The following EPHB1 variants were observed in gnomAD, a reference collection of about 807,000 sequenced individuals.
The protein encoded by EPHB1 is ephrin type-B receptor 1.
In EPHB1, 30 loss-of-function variants were observed where a neutral mutation model predicts 94.4. That is an observed-to-expected ratio of 0.32 (90% CI 0.24 to 0.43). EPHB1 has a LOEUF of 0.43. EPHB1 is among the 20% of genes least tolerant of loss of function. The pLI, the probability that EPHB1 is intolerant of heterozygous loss-of-function variation, is 1.00. For synonymous variants in EPHB1, 522 were observed against 489.1 expected, an observed-to-expected ratio of 1.07 and a Z score of -0.89; for missense variants, 1,055 against 1,308.3, an observed-to-expected ratio of 0.81 and a Z score of 2.99.
At chr3:135,238,014 A>G (rs1943695870) in intron 12 of EPHB1, among the ~76,000 whole-genome samples, 1 of 152,178 alleles carries the variant, frequency 6.6e-6, no homozygotes, top group South Asian at 2.1e-4. Flanking sequence ...TTCCTTTCAC[A>G]TAATTGAAGA....
intron 3 of EPHB1, among the ~76,000 whole-genome samples, chr3:134,960,324 T>G (rs1457563): frequency 0.5 from 75,091 of 151,450 alleles, 19,410 homozygotes; most frequent in African/African-American, 0.63. Flanking sequence ...TGCCAACAGG[T>G]CTTTGACAGG....
chr3:135,251,859 G>A (rs1481746561), intron 15 of EPHB1, among the ~76,000 whole-genome samples: 1 of 152,196 alleles, frequency 6.6e-6, no homozygotes, highest in African/African-American at 2.4e-5. Context: ...GGCTTTAGAG[G>A]AAATACAGTC....
chr3:134,893,209 A>G (rs73222689), intron 1 of EPHB1, among the ~76,000 whole-genome samples: 9,567 of 152,252 alleles, frequency 0.063, 337 homozygotes, highest in South Asian at 0.15. Context: ...TAATTAGCAA[A>G]TGTAAGCCTA....
intron 13 of EPHB1, among the ~76,000 whole-genome samples, chr3:135,246,354 C>T (rs529956536): frequency 5.3e-5 from 8 of 152,110 alleles, no homozygotes; most frequent in Non-Finnish European, 1.0e-4. Flanking sequence ...GAAAAGGGTG[C>T]GGGGTTTGTG....
chr3:134,968,421 A>G (rs577865965), intron 3 of EPHB1, among the ~76,000 whole-genome samples: 1 of 152,354 alleles, frequency 6.6e-6, no homozygotes. Context: ...GATCTGGTTC[A>G]TACGTATATA....
At chr3:134,998,881 T>C (rs991936991) in intron 3 of EPHB1, among the ~76,000 whole-genome samples, 2 of 152,028 alleles carry the variant, frequency 1.3e-5, no homozygotes, top group Non-Finnish European at 2.9e-5. Flanking sequence ...GAAAAAGGGA[T>C]CAAGGATAGG....
chr3:135,248,236 T>C, intron 13 of EPHB1, 80 bp from the exon 14 acceptor site: 1 of 1,341,974 alleles, frequency 7.5e-7, no homozygotes, highest in Non-Finnish European at 1.0e-6. Context: ...TCAGGGAGGC[T>C]CCATATAAAG....
intron 1 of EPHB1, among the ~76,000 whole-genome samples, chr3:134,823,310 A>C (rs2036416722): frequency 6.6e-6 from 1 of 152,226 alleles, no homozygotes; most frequent in Non-Finnish European, 1.5e-5. Context: ...TGAAGACAGA[A>C]GGACAGGAGA....
chr3:135,106,051 A>G (rs571860730), intron 3 of EPHB1, among the ~76,000 whole-genome samples: 1 of 152,310 alleles, frequency 6.6e-6, no homozygotes, highest in South Asian at 2.1e-4. Flanking sequence ...ATAGGATGAG[A>G]TGTCTTTAGT....
At chr3:135,044,508 C>T (rs1936940500) in intron 3 of EPHB1, among the ~76,000 whole-genome samples, 1 of 152,240 alleles carries the variant, frequency 6.6e-6, no homozygotes, top group Non-Finnish European at 1.5e-5. Flanking sequence ...TCAGCCAGAA[C>T]CAGTTCATAA....
intron 3 of EPHB1, among the ~76,000 whole-genome samples, chr3:135,024,248 C>A (rs1936069564): frequency 6.6e-6 from 1 of 152,166 alleles, no homozygotes; most frequent in African/African-American, 2.4e-5. Context: ...GGCTGCATAC[C>A]CTTTGCCCAA....
chr3:134,993,988 G>A (rs1171032096), intron 3 of EPHB1, among the ~76,000 whole-genome samples: 1 of 152,130 alleles, frequency 6.6e-6, no homozygotes, highest in African/African-American at 2.4e-5. Flanking sequence ...TTCTTTCACT[G>A]AACCTTCAGG....
rs1253247656 is a variant in EPHB1, at chr3:135,201,578, G to A, written c.2235G>A (p.Leu745=). The A allele has an allele frequency of 6.2e-7, 1 of 1,614,078 alleles. No individual in the cohort carries two copies. The highest frequency in any genetic ancestry group is 8.5e-7 in the Non-Finnish European group (1 of 1,180,030). Residue 745 remains leucine (L), a synonymous_variant, in exon 12 of 16, where the codon CTG becomes CTA. Coordinates refer to ENST00000398015, the MANE Select transcript of EPHB1 (RefSeq NM_004441.5). Reference sequence around the variant, plus strand: ...AGATGAATTATGTGCATCGGGACCTGGCTGCTAGGAACATTCTGGTCAACA... The same window carrying A: ...AGATGAATTATGTGCATCGGGACCTAGCTGCTAGGAACATTCTGGTCAACA... ...LAEMNYVHRD[L]AARNILVNSN...
At chr3:134,849,386 G>A (rs2108298971) in intron 1 of EPHB1, among the ~76,000 whole-genome samples, 1 of 152,300 alleles carries the variant, frequency 6.6e-6, no homozygotes, top group South Asian at 2.1e-4. Flanking sequence ...AGGACTTCAT[G>A]GAGAAGAGTC....
chr3:134,804,606 A>G (rs1455667941), intron 1 of EPHB1, among the ~76,000 whole-genome samples: 1 of 152,146 alleles, frequency 6.6e-6, no homozygotes, highest in Non-Finnish European at 1.5e-5. Flanking sequence ...TACTCCCTTC[A>G]TAGGCTCACC....
intron 1 of EPHB1, among the ~76,000 whole-genome samples, chr3:134,823,456 G>A (rs1201460180): frequency 2.6e-5 from 4 of 152,330 alleles, no homozygotes; most frequent in African/African-American, 9.6e-5. Flanking sequence ...TAAGGTCTGG[G>A]GGTCTTGGGG....
intron 15 of EPHB1, 58 bp downstream of exon 15, chr3:135,249,549 G>T: frequency 1.3e-6 from 2 of 1,561,668 alleles, no homozygotes; most frequent in Admixed American, 3.5e-5. Context: ...CTCCTTCCCT[G>T]CTATTGCAGA....
At chr3:134,961,908 ATTAAT>A (rs1349694628) in intron 3 of EPHB1, among the ~76,000 whole-genome samples, 2 of 152,236 alleles carry the variant, frequency 1.3e-5, no homozygotes, top group South Asian at 4.1e-4. Flanking sequence ...TGTGAGAAAA[ATTAAT>A]TTATTTATTC....
chr3:135,183,247 TCTTCCTTCCTTCCTTC>T (rs61228471), intron 10 of EPHB1, among the ~76,000 whole-genome samples: 24 of 91,396 alleles, frequency 2.6e-4, no homozygotes, highest in Middle Eastern at 5.2e-3. Flanking sequence ...TCCCTCCCTT[TCTTCCTTCCTTCCTTC>T]CTTCCTTCCT....
Sources: allele counts gnomAD v4.1 joint callset (sites outside exome capture counted in the v4.1 genomes callset), GRCh38; gene constraint gnomAD v4.1.1; transcripts MANE v1.5; gene names NCBI Gene and HGNC (gene_info 2026-07-23, HGNC 2026-07-21).